The following TMEM135 variants were observed in gnomAD, a reference collection of about 807,000 sequenced individuals.
TMEM135 encodes the protein peroxisomal membrane protein 52.
In TMEM135, 30 loss-of-function variants were observed where a neutral mutation model predicts 60.3. The ratio of observed to expected loss-of-function variants is 0.50; its 90% CI spans 0.37 to 0.68. The LOEUF (loss-of-function observed/expected upper bound fraction) is 0.68. TMEM135 is among the 30% of genes least tolerant of loss of function. The probability of loss-of-function intolerance (pLI) is 0.00; values close to 1 mark genes in which losing one functional copy is unlikely to be tolerated. For synonymous variants in TMEM135, 190 were observed against 186.7 expected (o/e 1.02, Z -0.14); for missense variants, 468 against 548.8 (o/e 0.85, Z 1.47).
At chr11:87,255,549 G>C (rs984529624) in intron 6 of TMEM135, among the ~76,000 whole-genome samples, 4 of 152,104 alleles carry the variant, frequency 2.6e-5, no homozygotes, top group Admixed American at 6.6e-5. Flanking sequence ...GAGAAAGGAA[G>C]ATTGCTTGAG....
At chr11:87,297,997 TTTA>T (rs1942375438) in intron 7 of TMEM135, among the ~76,000 whole-genome samples, 1 of 152,218 alleles carries the variant, frequency 6.6e-6, no homozygotes, top group Admixed American at 6.5e-5. Flanking sequence ...AAATATATTT[TTTA>T]TTGTCAAGTT....
At position 87,326,691 on chromosome 11, in the gene TMEM135, G is replaced by GA. The variant is rs1456306022; in HGVS notation, c.*5364dup. 8 of 451,498 alleles carry GA rather than the reference G, an allele frequency of 1.8e-5. No homozygotes were observed. Among genetic ancestry groups the GA allele is most frequent in the Non-Finnish European group, 3.1e-5 (7 of 226,144 alleles). 28.0% of individuals were successfully genotyped at this position (451,498 alleles called of 1,614,324 possible). A position where few individuals can be genotyped will look rare whatever the true frequency, so the allele number is the denominator to read the frequency against. ...ATTTCTTCATCTTGAGCTCTCAAGG[G>GA]AAAAAACAGGAGTCCTTATTTTTCT... On this transcript the variant is annotated 3_prime_UTR_variant, in exon 15 of 15. Coordinates refer to ENST00000305494, the MANE Select transcript of TMEM135 (RefSeq NM_022918.4).
In TMEM135 at chr11:87,039,961, G is replaced by T. The variant is rs576139049; in HGVS notation, c.141+1775G>T. ...TCTCCTACTCCAACAAGGTAGGTTG[G>T]GGGTGTTCAGGAAAAGAGTTGTGTT... On this transcript the variant is annotated intron_variant, in intron 1 of 14. Transcript: ENST00000305494. Among the ~76,000 whole-genome samples, 5 of 152,286 alleles carry T rather than the reference G, an allele frequency of 3.3e-5. No homozygotes were observed. In the South Asian group the frequency reaches 1.0e-3, roughly 32 times the overall value.
chr11:87,277,272 C>T (rs10898654), intron 6 of TMEM135: 136,556 of 379,134 alleles, frequency 0.36, 26,575 homozygotes, highest in Non-Finnish European at 0.42. Flanking sequence ...GCTGGGATTA[C>T]AGATTTGTGC....
In TMEM135 at chr11:87,057,619, G is replaced by A. The variant is rs181078035; in HGVS notation, c.142-10075G>A. 2.7e-4 allele frequency among the ~76,000 whole-genome samples: 41 copies of A among 152,266 alleles called. 1 individual carries two copies. The highest frequency in any genetic ancestry group is 8.7e-4 in the African/African-American group (36 of 41,546). On this transcript the variant is annotated intron_variant, in intron 1 of 14. Transcript: ENST00000305494. The stretch of plus-strand genomic sequence containing the variant: ...CATATGAGATAGTGCACATATAAAA[G>A]CTTTAAAAACTGTAAGAAGATAGGT...
At chr11:87,141,683 A>G (rs1438936803) in intron 4 of TMEM135, among the ~76,000 whole-genome samples, 2 of 152,168 alleles carry the variant, frequency 1.3e-5, no homozygotes, top group Non-Finnish European at 1.5e-5. Context: ...TTGTTCACTT[A>G]TAAGTCTGAT....
chr11:87,146,078 T>G (rs1938407313), intron 4 of TMEM135, among the ~76,000 whole-genome samples: 3 of 152,242 alleles, frequency 2.0e-5, no homozygotes, highest in African/African-American at 4.8e-5. Context: ...GTTTAAGTCT[T>G]TAATCCATTT....
intron 5 of TMEM135, among the ~76,000 whole-genome samples, chr11:87,186,042 G>A (rs188801226): frequency 1.8e-4 from 27 of 152,218 alleles, no homozygotes; most frequent in Middle Eastern, 3.4e-3. Context: ...GAGTAGCTGG[G>A]ACTACAGGCA....
intron 4 of TMEM135, among the ~76,000 whole-genome samples, chr11:87,107,570 C>T (rs1857630235): frequency 6.6e-6 from 1 of 152,110 alleles, no homozygotes; most frequent in Non-Finnish European, 1.5e-5. Context: ...CAGCTTCATC[C>T]ATGTCCCTAC....
intron 6 of TMEM135, among the ~76,000 whole-genome samples, chr11:87,280,349 T>G (rs554477564): frequency 6.6e-6 from 1 of 152,310 alleles, no homozygotes; most frequent in South Asian, 2.1e-4. Context: ...TTCCTCTGAG[T>G]AGCAGGACCT....
chr11:87,237,566 A>T lies in TMEM135; in HGVS notation c.509+882A>T, dbSNP rs72955837. On this transcript the variant is annotated intron_variant, in intron 6 of 14. Coordinates refer to ENST00000305494, the MANE Select transcript of TMEM135 (RefSeq NM_022918.4). ...ACAATCCAACCATACCAGAATTTTTAAAAAAATTTTTATTTTTAATTTTTG... is the reference window on the plus strand; with the variant it reads ...ACAATCCAACCATACCAGAATTTTTTAAAAAATTTTTATTTTTAATTTTTG... Among the ~76,000 whole-genome samples, 201 of 152,090 alleles carry T rather than the reference A, an allele frequency of 1.3e-3. 2 individuals carry two copies. The highest frequency in any genetic ancestry group is 3.1e-3 in the Admixed American group (47 of 15,228).
At chr11:87,192,105 C>T (rs1224474950) in intron 5 of TMEM135, among the ~76,000 whole-genome samples, 3 of 150,326 alleles carry the variant, frequency 2.0e-5, no homozygotes, top group African/African-American at 7.3e-5. Flanking sequence ...CCTCAGCCTC[C>T]CGAGTAGCTG....
chr11:87,241,611 A>C (rs1414391325), intron 6 of TMEM135, among the ~76,000 whole-genome samples: 1 of 152,020 alleles, frequency 6.6e-6, no homozygotes, highest in African/African-American at 2.4e-5. Flanking sequence ...CTTTGTATCT[A>C]ACTATATTTT....
At chr11:87,046,585 G>A (rs375861773) in intron 1 of TMEM135, among the ~76,000 whole-genome samples, 5 of 152,148 alleles carry the variant, frequency 3.3e-5, no homozygotes, top group Non-Finnish European at 4.4e-5. Context: ...TTACCAGTGC[G>A]GTATGTAAGT....
chr11:87,199,522 G>A (rs1940046257), intron 5 of TMEM135, among the ~76,000 whole-genome samples: 1 of 152,232 alleles, frequency 6.6e-6, no homozygotes, highest in South Asian at 2.1e-4. Flanking sequence ...TACAGTGGTA[G>A]TATTTAAAAA....
chr11:87,038,540 T>C (rs1031718610), intron 1 of TMEM135, among the ~76,000 whole-genome samples: 1 of 151,816 alleles, frequency 6.6e-6, no homozygotes, highest in African/African-American at 2.4e-5. Context: ...GGAGAGGTAT[T>C]TGTAGGTCAG....
chr11:87,104,827 T>G (rs940188207), intron 4 of TMEM135, among the ~76,000 whole-genome samples: 1 of 152,194 alleles, frequency 6.6e-6, no homozygotes, highest in Non-Finnish European at 1.5e-5. Flanking sequence ...GGTGGAATCT[T>G]TAGGGTTTTT....
chr11:87,276,683 T>TTTTA (rs1444558995), intron 6 of TMEM135, among the ~76,000 whole-genome samples: 1 of 148,828 alleles, frequency 6.7e-6, no homozygotes, highest in Non-Finnish European at 1.5e-5. Flanking sequence ...TTTTTTTTTT[T>TTTTA]TTTGAGATGG....
chr11:87,189,758 G>GAAAAAAAAAA (rs796303818), intron 5 of TMEM135, among the ~76,000 whole-genome samples: 2 of 115,560 alleles, frequency 1.7e-5, no homozygotes, highest in African/African-American at 6.4e-5. Flanking sequence ...CGTCTCCACA[G>GAAAAAAAAAA]AAAAAAAAAA....
Sources: allele counts gnomAD v4.1 joint callset (sites outside exome capture counted in the v4.1 genomes callset), GRCh38; gene constraint gnomAD v4.1.1; transcripts MANE v1.5; gene names NCBI Gene and HGNC (gene_info 2026-07-23, HGNC 2026-07-21).